Variants in SSMEM1 observed in about 807,000 individuals in gnomAD.
The protein encoded by SSMEM1 is serine rich single-pass membrane protein 1.
In SSMEM1, 12 loss-of-function variants were observed where a neutral mutation model predicts 9.9. The ratio of observed to expected loss-of-function variants is 1.21; its 90% CI spans 0.78 to 1.96. SSMEM1 has a LOEUF of 1.96. Among genes scored for constraint, SSMEM1 ranks in the 30% most tolerant of loss-of-function variants. The pLI is 0.00. For synonymous variants in SSMEM1, 96 were observed against 98.9 expected, an observed-to-expected ratio of 0.97 and a Z score of 0.17; for missense variants, 259 against 292.2, an observed-to-expected ratio of 0.89 and a Z score of 0.83.
intron 1 of SSMEM1, among the ~76,000 whole-genome samples, chr7:130,211,388 T>C (rs1031980485): frequency 1.3e-5 from 2 of 152,156 alleles, no homozygotes; most frequent in African/African-American, 2.4e-5. Context: ...CTCGATCTCC[T>C]GACCTTGTGA....
Position 130,216,640 on chromosome 7 carries a change from A to AAAAAAAAG in SSMEM1, c.*171_*178dup, listed in dbSNP as rs1485601490. The AAAAAAAAG allele has an allele frequency of 1.2e-6, 1 of 809,670 alleles. No homozygotes were observed. The highest frequency in any genetic ancestry group is 2.7e-5 in the East Asian group (1 of 36,962). The allele number at this position is 809,670 out of a possible 1,614,324, so 50.2% of individuals were successfully genotyped here. On this transcript the variant is annotated 3_prime_UTR_variant, in exon 3 of 3. Transcript: ENST00000297819. ...AATCTCACACAATTCTTCGTTCAAA[A>AAAAAAAAG]AAAAAAAGGCCATCACGTGTTTATG...
In SSMEM1 at chr7:130,216,126, C is replaced by T. The variant is rs752255615; in HGVS notation, c.391C>T (p.Arg131Cys). 9.3e-6 allele frequency: 15 copies of T among 1,614,020 alleles called. No homozygotes were observed. The highest frequency in any genetic ancestry group is 3.3e-5 in the South Asian group (3 of 91,078). The change falls in exon 3 of 3, where the codon CGC becomes TGC. Residue 131 changes from arginine to cysteine, a missense_variant. By Grantham distance (180) the Arg-to-Cys change is radical (BLOSUM62 -3). Coordinates refer to ENST00000297819, the MANE Select transcript of SSMEM1 (RefSeq NM_145268.4). Reference sequence around the variant, plus strand: ...CTATCCTGAACAAAGACGAGCCAGGCGCCAGTCTCAGTTCAATGAGGTGAA... The same window carrying T: ...CTATCCTGAACAAAGACGAGCCAGGTGCCAGTCTCAGTTCAATGAGGTGAA... Reference protein sequence around the residue: ...NAYPEQRRARRQSQFNEVNQN... With the variant: ...NAYPEQRRARCQSQFNEVNQN...
chr7:130,213,643 A>AACT, intron 2 of SSMEM1, 109 bp downstream of exon 2: 1 of 663,854 alleles, frequency 1.5e-6, no homozygotes, highest in Non-Finnish European at 2.3e-6. Context: ...GGATTGCTTG[A>AACT]GCTAAGCAGT....
chr7:130,206,254 G>T (rs1798461659), upstream of SSMEM1, among the ~76,000 whole-genome samples: 1 of 152,176 alleles, frequency 6.6e-6, no homozygotes, highest in African/African-American at 2.4e-5. Context: ...CTCAACCCCA[G>T]CGGAGGCCCA....
chr7:130,207,428 A>G (rs1254222133), upstream of SSMEM1, among the ~76,000 whole-genome samples: 1 of 152,140 alleles, frequency 6.6e-6, no homozygotes, highest in East Asian at 1.9e-4. Flanking sequence ...TTATGACCTC[A>G]TTTAACTTTA....
chr7:130,210,532 G>T (rs1798571830), intron 1 of SSMEM1, among the ~76,000 whole-genome samples: 1 of 152,064 alleles, frequency 6.6e-6, no homozygotes, highest in Non-Finnish European at 1.5e-5. Context: ...TTTTTATTTT[G>T]TGTTTATTCA....
chr7:130,205,946 T>A (rs914606585), upstream of SSMEM1, among the ~76,000 whole-genome samples: 1 of 152,156 alleles, frequency 6.6e-6, no homozygotes, highest in Non-Finnish European at 1.5e-5. Flanking sequence ...AAACGCCTGC[T>A]GGCCTCCCAC....
upstream of SSMEM1, chr7:130,207,823 A>C: frequency 1.4e-6 from 2 of 1,416,454 alleles, no homozygotes; most frequent in South Asian, 2.3e-5. Context: ...TTGCCAAGGA[A>C]ATTGTCATAC....
chr7:130,208,656 A>C (rs1798534204), intron 1 of SSMEM1, among the ~76,000 whole-genome samples: 1 of 152,190 alleles, frequency 6.6e-6, no homozygotes, highest in Admixed American at 6.5e-5. Flanking sequence ...ATGTGATTCT[A>C]ATCAAAGATA....
chr7:130,209,235 A>G (rs1181730763), intron 1 of SSMEM1, among the ~76,000 whole-genome samples: 1 of 152,144 alleles, frequency 6.6e-6, no homozygotes, highest in Non-Finnish European at 1.5e-5. Context: ...GATTAAGAAA[A>G]CCACCATCAT....
At chr7:130,206,337 C>T (rs1295359721), upstream of SSMEM1, among the ~76,000 whole-genome samples, 2 of 152,182 alleles carry the variant, frequency 1.3e-5, no homozygotes, top group African/African-American at 2.4e-5. Context: ...AGCCCCAGCT[C>T]TCGCGAGCTT....
At chr7:130,207,572 C>T (rs1468205531), upstream of SSMEM1, among the ~76,000 whole-genome samples, 1 of 152,020 alleles carries the variant, frequency 6.6e-6, no homozygotes, top group African/African-American at 2.4e-5. Flanking sequence ...TGGCATGATA[C>T]ATATAAAAGA....
chr7:130,205,492 TCTTCTCG>T, upstream of SSMEM1: 1 of 1,533,872 alleles, frequency 6.5e-7, no homozygotes, highest in South Asian at 1.1e-5. Context: ...CTAGGTAGTC[TCTTCTCG>T]CGAGAAAGGG....
upstream of SSMEM1, among the ~76,000 whole-genome samples, chr7:130,206,102 C>T (rs554730884): frequency 1.6e-4 from 24 of 152,276 alleles, no homozygotes; most frequent in African/African-American, 5.1e-4. Context: ...AACACATTTT[C>T]GTATGTATTT....
Position 130,216,005 on chromosome 7 carries a change from C to CAA in SSMEM1, c.272_273dup (p.Asp92LysfsTer11). On this transcript the variant is annotated frameshift_variant, in exon 3 of 3. Transcript: ENST00000297819. LOFTEE classifies it low-confidence loss of function (END_TRUNC). ...AAGAGACTTCCTGTAAGCGGCAAAGCAAAGACAGTGCCTGGGATCCCTCAC... is the reference window on the plus strand; with the variant it reads ...AAGAGACTTCCTGTAAGCGGCAAAGCAAAAAGACAGTGCCTGGGATCCCTCAC... 1 of 1,614,154 alleles carries CAA rather than the reference C, an allele frequency of 6.2e-7. No homozygotes were observed. The highest frequency in any genetic ancestry group is 8.5e-7 in the Non-Finnish European group (1 of 1,180,016).
At position 130,207,920 on chromosome 7, in the gene SSMEM1, C is replaced by A. The variant is rs749707311; in HGVS notation, c.10C>A (p.Leu4Ile). The change falls in exon 1 of 3, where the codon CTT becomes ATT. Residue 4 changes from leucine (L) to isoleucine (I), a missense_variant. Physicochemically the swap from Leu to Ile is conservative, Grantham distance 5 (BLOSUM62 2). Transcript: ENST00000297819. The stretch of plus-strand genomic sequence containing the variant: ...TGAGCAAGGAGTCATCATGGGAGAC[C>A]TTTTTTCCTTATTTTGGGAGGTAGA... MGD[L>I]FSLFWEVDPP... is the part of the protein sequence containing the mutation. 1.2e-6 allele frequency: 2 copies of A among 1,613,294 alleles called. No individual in the cohort carries two copies. The highest frequency in any genetic ancestry group is 1.7e-6 in the Non-Finnish European group (2 of 1,179,762).
chr7:130,216,621 A>G lies in SSMEM1; in HGVS notation c.*151A>G. On this transcript the variant is annotated 3_prime_UTR_variant, in exon 3 of 3. Transcript: ENST00000297819. ...CTTGGAACCCAAGAGGTAAAATCTC[A>G]CACAATTCTTCGTTCAAAAAAAAAA... The G allele has an allele frequency of 1.0e-6, 1 of 969,194 alleles. No homozygotes were observed. The highest frequency in any genetic ancestry group is 1.5e-6 in the Non-Finnish European group (1 of 670,140). 60.0% of individuals were successfully genotyped at this position (969,194 alleles called of 1,614,324 possible).
chr7:130,214,212 T>C (rs1379914702), intron 2 of SSMEM1, among the ~76,000 whole-genome samples: 1 of 152,074 alleles, frequency 6.6e-6, no homozygotes, highest in Non-Finnish European at 1.5e-5. Flanking sequence ...GGCCAGGAGT[T>C]CAAGATCAGC....
intron 2 of SSMEM1, 29 bp downstream of exon 2, chr7:130,213,563 A>C: frequency 1.2e-6 from 2 of 1,601,956 alleles, no homozygotes; most frequent in East Asian, 2.3e-5. Context: ...TTGGTGTTGG[A>C]CTATGAGGGG....
Sources: allele counts gnomAD v4.1 joint callset (sites outside exome capture counted in the v4.1 genomes callset), GRCh38; gene constraint gnomAD v4.1.1; transcripts MANE v1.5; gene names NCBI Gene and HGNC (gene_info 2026-07-23, HGNC 2026-07-21).